The following KLHL18 variants were observed in gnomAD, a reference collection of about 807,000 sequenced individuals.
The protein encoded by KLHL18 is kelch like family member 18, also known as kelch-like protein 18.
Under a neutral mutation model 58.5 loss-of-function variants are expected in KLHL18, and 38 were observed. The ratio of observed to expected loss-of-function variants is 0.65; its 90% CI spans 0.50 to 0.85. KLHL18 has a LOEUF of 0.85. Ranked by LOEUF, KLHL18 falls within the 40% of genes least tolerant of loss-of-function variation. KLHL18 has a pLI of 0.00. For synonymous variants in KLHL18, 303 were observed against 301.9 expected (o/e 1.00, Z -0.04); for missense variants, 624 against 778.4 (o/e 0.80, Z 2.36).
intron 1 of KLHL18, among the ~76,000 whole-genome samples, chr3:47,294,909 TC>T (rs1702865684): frequency 7.2e-5 from 11 of 152,044 alleles, no homozygotes; most frequent in Admixed American, 7.2e-4. Flanking sequence ...TCTGACTTGT[TC>T]TTGAAGGAAA....
intron 1 of KLHL18, among the ~76,000 whole-genome samples, chr3:47,284,829 A>T (rs998316140): frequency 6.7e-6 from 1 of 149,704 alleles, no homozygotes; most frequent in Non-Finnish European, 1.5e-5. Context: ...TTTTATTTTT[A>T]TTTTTTTGAG....
chr3:47,283,179 C>A, intron 1 of KLHL18, 85 bp downstream of exon 1: 1 of 1,087,108 alleles, frequency 9.2e-7, no homozygotes, highest in Non-Finnish European at 1.3e-6. Flanking sequence ...AAAGAGAGGT[C>A]TAGCAGGGAG....
At chr3:47,312,730 A>T (rs1340525685) in intron 1 of KLHL18, among the ~76,000 whole-genome samples, 1 of 152,006 alleles carries the variant, frequency 6.6e-6, no homozygotes, top group Non-Finnish European at 1.5e-5. Context: ...GCCCCCTGAG[A>T]GGCTAGGTTT....
chr3:47,335,499 T>C (rs1703964137), intron 6 of KLHL18, among the ~76,000 whole-genome samples: 1 of 152,172 alleles, frequency 6.6e-6, no homozygotes. Context: ...GTTTTGTTTT[T>C]ATTTTTTATT....
intron 1 of KLHL18, among the ~76,000 whole-genome samples, chr3:47,300,637 CTTTTTTT>C (rs10687949): frequency 1.3e-5 from 1 of 76,922 alleles, no homozygotes; most frequent in Non-Finnish European, 2.3e-5. Flanking sequence ...CATTGTGATT[CTTTTTTT>C]TTTTTTTTTT....
At position 47,319,753 on chromosome 3, in the gene KLHL18, A is replaced by T; in HGVS notation, c.230A>T (p.Asp77Val). The T allele has an allele frequency of 6.2e-7, 1 of 1,613,906 alleles. No homozygotes were observed. Among genetic ancestry groups the T allele is most frequent in the Non-Finnish European group, 8.5e-7 (1 of 1,179,844 alleles). Residue 77 changes from aspartate to valine, a missense_variant, in exon 2 of 10, where the codon GAT (aspartate) becomes GTT (valine). Transcript: ENST00000232766. ...FTNDMMECKQ[D>V]EIVMQGMDPS... Reference sequence around the variant, plus strand: ...AATGACATGATGGAGTGCAAGCAGGATGAGATTGTAATGCAAGGAATGGAC... The same window carrying T: ...AATGACATGATGGAGTGCAAGCAGGTTGAGATTGTAATGCAAGGAATGGAC...
chr3:47,294,422 C>T (rs1255585805), intron 1 of KLHL18, among the ~76,000 whole-genome samples: 1 of 152,078 alleles, frequency 6.6e-6, no homozygotes, highest in African/African-American at 2.4e-5. Context: ...CAGTGGTGAC[C>T]AGTGCCATGA....
chr3:47,293,563 AT>A (rs758873661), intron 1 of KLHL18, among the ~76,000 whole-genome samples: 4 of 152,212 alleles, frequency 2.6e-5, no homozygotes, highest in Non-Finnish European at 5.9e-5. Context: ...TAAGAGGTAC[AT>A]ATTTAGGAGA....
At chr3:47,337,006 T>G in intron 7 of KLHL18, 2 of 484,410 alleles carry the variant, frequency 4.1e-6, no homozygotes, top group Non-Finnish European at 7.5e-6. Flanking sequence ...GTTGTTATTT[T>G]AAGTGCCAGA....
chr3:47,336,572 T>A lies in KLHL18; in HGVS notation c.936T>A (p.Ile312=). The change falls in exon 7 of 10, where the codon ATT becomes ATA. Residue 312 remains isoleucine (I), a synonymous_variant. Transcript: ENST00000232766. ...ATGTGGTGGAAGTGTTCGACCCCAT[T>A]GCCAATTGCTGGGAGAGATGCCGTC... The part of the protein sequence containing the change: ...SLNVVEVFDP[I]ANCWERCRPM... 1 of 1,614,230 alleles carries A rather than the reference T, an allele frequency of 6.2e-7. No homozygotes were observed. The highest frequency in any genetic ancestry group is 1.3e-5 in the African/African-American group (1 of 75,064).
intron 7 of KLHL18, chr3:47,338,411 C>G (rs1015907507): frequency 3.9e-5 from 6 of 152,334 alleles, no homozygotes; most frequent in African/African-American, 1.4e-4. Flanking sequence ...TTGTGATCTT[C>G]CCACAATACT....
Position 47,336,672 on chromosome 3 carries a change from G to A in KLHL18, c.1036G>A (p.Gly346Ser), listed in dbSNP as rs373190412. ...GLLYAIGGYD[G>S]QLRLSTVEAY... ...TCTCTATGCCATCGGAGGATATGAC[G>A]GCCAGCTACGGCTGAGCACTGTGGA... is the stretch of plus-strand genomic sequence containing the variant. The change falls in exon 7 of 10, where the codon GGC (glycine) becomes AGC (serine). Residue 346 changes from glycine (G) to serine (S), a missense_variant. Coordinates refer to ENST00000232766, the MANE Select transcript of KLHL18 (RefSeq NM_025010.5). The A allele has an allele frequency of 1.4e-5, 22 of 1,614,100 alleles. No homozygotes were observed. Among genetic ancestry groups the A allele is most frequent in the East Asian group, 2.2e-5 (1 of 44,896 alleles).
intron 1 of KLHL18, among the ~76,000 whole-genome samples, chr3:47,284,670 T>A (rs1331742446): frequency 6.6e-6 from 1 of 152,122 alleles, no homozygotes; most frequent in African/African-American, 2.4e-5. Flanking sequence ...TTAAGGAAAC[T>A]TTTCTTCTGC....
intron 7 of KLHL18, chr3:47,338,012 T>C (rs1253471479): frequency 1.3e-5 from 2 of 152,248 alleles, no homozygotes; most frequent in Non-Finnish European, 2.9e-5. Flanking sequence ...CTGTGGTTAA[T>C]ATCCTGTTAT....
At position 47,322,651 on chromosome 3, in the gene KLHL18, C is replaced by A; in HGVS notation, c.344C>A (p.Ala115Glu). 6.2e-7 allele frequency: 1 copy of A among 1,605,360 alleles called. No individual in the cohort carries two copies. Among genetic ancestry groups the A allele is most frequent in the South Asian group, 1.1e-5 (1 of 89,066 alleles). The change falls in exon 3 of 10, where the codon GCG (alanine) becomes GAG (glutamate). Residue 115 changes from alanine to glutamate, a missense_variant. By Grantham distance (107) the Ala-to-Glu change is moderately radical. Coordinates refer to ENST00000232766, the MANE Select transcript of KLHL18 (RefSeq NM_025010.5). ...AATGTCCAGTCATTGCTGATGGGGG[C>A]GAGCTTCCTGCAGCTGCAGAGCATC... Reference protein sequence around the residue: ...QQNVQSLLMGASFLQLQSIKD... With the variant: ...QQNVQSLLMGESFLQLQSIKD...
At chr3:47,324,679 A>AT (rs1158009580) in intron 3 of KLHL18, among the ~76,000 whole-genome samples, 2 of 151,794 alleles carry the variant, frequency 1.3e-5, no homozygotes, top group Non-Finnish European at 2.9e-5. Context: ...CAAAAAAAAA[A>AT]TTTTTTTAAT....
At chr3:47,327,621 C>T (rs556700191) in intron 3 of KLHL18, among the ~76,000 whole-genome samples, 7 of 152,286 alleles carry the variant, frequency 4.6e-5, no homozygotes, top group South Asian at 2.1e-4. Context: ...TGACCTTCAG[C>T]GCTGTATTCC....
In KLHL18 at chr3:47,282,952, A is replaced by T. The variant is rs768126531; in HGVS notation, c.-14A>T. 2.5e-6 allele frequency: 4 copies of T among 1,605,608 alleles called. No individual in the cohort carries two copies. The East Asian group carries it at 9.0e-5, about 36-fold the overall frequency. On this transcript the variant is annotated 5_prime_UTR_variant, in exon 1 of 10. Transcript: ENST00000232766. ...CGGCCGGCGAGGCCTGCGCAGTTGC[A>T]GCGGCCGGGGAAGATGGTGGAGGAC...
At chr3:47,311,119 C>G (rs1206984635) in intron 1 of KLHL18, among the ~76,000 whole-genome samples, 1 of 152,054 alleles carries the variant, frequency 6.6e-6, no homozygotes, top group African/African-American at 2.4e-5. Context: ...ATGCCATTCT[C>G]CTGCCTCAGC....
Sources: gnomAD v4.1 joint callset for allele counts (sites outside exome capture counted in the v4.1 genomes callset) on GRCh38, gnomAD v4.1.1 for gene constraint, MANE v1.5 for transcripts, NCBI Gene and HGNC (gene_info 2026-07-23, HGNC 2026-07-21) for gene names.